Variants in TUBAL3 observed in about 807,000 individuals in gnomAD.
TUBAL3 encodes tubulin alpha chain-like 3.
Under a neutral mutation model 15.5 loss-of-function variants are expected in TUBAL3, and 16 were observed. That is an observed-to-expected ratio of 1.04 (90% CI 0.70 to 1.57). The LOEUF is 1.57. TUBAL3 is among the 40% of genes most tolerant of loss of function. The pLI is 0.00. For synonymous variants in TUBAL3, 238 were observed against 224.3 expected, an observed-to-expected ratio of 1.06 and a Z score of -0.55; for missense variants, 609 against 576.2, an observed-to-expected ratio of 1.06 and a Z score of -0.58.
chr10:5,393,400 G>T lies in TUBAL3; in HGVS notation c.*117C>A. The T allele has an allele frequency of 3.5e-6, 3 of 847,228 alleles. No individual in the cohort carries two copies. The highest frequency in any genetic ancestry group is 2.6e-5 in the East Asian group (1 of 38,792). The allele number at this position is 847,228 out of a possible 1,614,324, so 52.5% of individuals were successfully genotyped here. A position where few individuals can be genotyped will look rare whatever the true frequency, so the allele number is the denominator to read the frequency against. ...AATTTAGTGTGGAACCTAGAGTCTT[G>T]CCTGATTTGAGTTCATTTTTCTGCT... On this transcript the variant is annotated 3_prime_UTR_variant, in exon 4 of 4. Coordinates refer to ENST00000380419, the MANE Select transcript of TUBAL3 (RefSeq NM_024803.3).
chr10:5,397,179 A>G lies in TUBAL3; in HGVS notation c.248-1704T>C, dbSNP rs1831778485. Among the ~76,000 whole-genome samples, 1 of 152,202 alleles carries G rather than the reference A, an allele frequency of 6.6e-6. No individual in the cohort carries two copies. On this transcript the variant is annotated intron_variant, in intron 2 of 3. Transcript: ENST00000380419. This position sits in a 1 kb window ranked among gnomAD's most constrained non-coding sequence, Gnocchi z 4.9. ...AAGCTCACAGCCTAAGGAGAAATGCATTGTGTTTCTGTTTAATAAGAGCAC... is the reference window on the plus strand; with the variant it reads ...AAGCTCACAGCCTAAGGAGAAATGCGTTGTGTTTCTGTTTAATAAGAGCAC...
chr10:5,394,248 G>A lies in TUBAL3; in HGVS notation c.610C>T (p.His204Tyr). Residue 204 changes from histidine (H) to tyrosine (Y), a missense_variant, in exon 4 of 4, where the codon CAC becomes TAC. His to Tyr is a moderately conservative substitution (Grantham distance 83, BLOSUM62 2). Coordinates refer to ENST00000380419, the MANE Select transcript of TUBAL3 (RefSeq NM_024803.3). This position sits in a 1 kb window ranked among gnomAD's most constrained non-coding sequence, Gnocchi z 4.3. ...TCCACCATGAAGGTACAGTCCGTGT[G>A]CTCTGTGGTGGAGTGGGTGGTGAGG... ...SVLTTHSTTEHTDCTFMVDNE... is the reference protein window; with the variant it reads ...SVLTTHSTTEYTDCTFMVDNE... The A allele has an allele frequency of 6.2e-7, 1 of 1,614,202 alleles. No homozygotes were observed. The highest frequency in any genetic ancestry group is 8.5e-7 in the Non-Finnish European group (1 of 1,180,044).
chr10:5,395,323 T>C lies in TUBAL3; in HGVS notation c.396+4A>G. On this transcript the variant is annotated splice_donor_region_variant and intron_variant, in intron 3 of 3. Coordinates refer to ENST00000380419, the MANE Select transcript of TUBAL3 (RefSeq NM_024803.3). The surrounding 1 kb of genome is among the most constrained non-coding windows in gnomAD (Gnocchi z 4.6). ...CCACTCGGAGGAGAGGGGGAGCCAC[T>C]TGCCAGCTTCCGGGTCCTCTCCAGC... 1 of 1,536,968 alleles carries C rather than the reference T, an allele frequency of 6.5e-7. No individual in the cohort carries two copies. Among genetic ancestry groups the C allele is most frequent in the South Asian group, 1.2e-5 (1 of 81,446 alleles).
chr10:5,400,974 A>C lies in TUBAL3; in HGVS notation c.117T>G (p.Thr39=), dbSNP rs1554814592. The change falls in exon 2 of 4, where the codon ACT becomes ACG. Residue 39 remains threonine (T), a synonymous_variant. Transcript: ENST00000380419. ...GIQPNGVVLD[T]QQDQLENAKM... ...TTGCATTTTCCAGCTGATCCTGTTG[A>C]GTGTCAAGAACAACGCCATTTGGCT... 2 of 1,614,108 alleles carry C rather than the reference A, an allele frequency of 1.2e-6. No individual in the cohort carries two copies. The highest frequency in any genetic ancestry group is 2.7e-5 in the African/African-American group (2 of 74,932).
chr10:5,400,829 G>C lies in TUBAL3; in HGVS notation c.247+15C>G. 6.2e-7 allele frequency: 1 copy of C among 1,613,800 alleles called. No individual in the cohort carries two copies. Among genetic ancestry groups the C allele is most frequent in the Non-Finnish European group, 8.5e-7 (1 of 1,179,786 alleles). ...GGCTCCAGTTAAGTATGCTAGAATG[G>C]AACATTTATTGTACCTATAACAGTT... is the stretch of plus-strand genomic sequence containing the variant. On this transcript the variant is annotated intron_variant, in intron 2 of 3. Transcript: ENST00000380419.
Position 5,397,751 on chromosome 10 carries a change from C to T in TUBAL3, c.248-2276G>A, listed in dbSNP as rs1475728500. 4.6e-5 allele frequency among the ~76,000 whole-genome samples: 7 copies of T among 152,152 alleles called. No homozygotes were observed. The highest frequency in any genetic ancestry group is 1.3e-4 in the Admixed American group (2 of 15,278). On this transcript the variant is annotated intron_variant, in intron 2 of 3. Coordinates refer to ENST00000380419, the MANE Select transcript of TUBAL3 (RefSeq NM_024803.3). This position sits in a 1 kb window ranked among gnomAD's most constrained non-coding sequence, Gnocchi z 4.9. ...GGTGTCAGTCAGCTGCATTCCACTT[C>T]AATCATCATCACTCAGAACTCTCCC...
intron 1 of TUBAL3, among the ~76,000 whole-genome samples, chr10:5,403,207 T>A (rs1164178046): frequency 6.6e-6 from 1 of 152,230 alleles, no homozygotes; most frequent in African/African-American, 2.4e-5. Context: ...CAGCATATTC[T>A]GTTATAAACA....
rs1451155005 is a variant in TUBAL3, at chr10:5,395,728, A to G, written c.248-253T>C. 1.3e-5 allele frequency among the ~76,000 whole-genome samples: 2 copies of G among 152,292 alleles called. No homozygotes were observed. The highest frequency in any genetic ancestry group is 6.5e-5 in the Admixed American group (1 of 15,302). ...TAGTTTCCTAGTGCTGCCATAACCA[A>G]TGACAACAAACATCATGGCTTAAAA... On this transcript the variant is annotated intron_variant, in intron 2 of 3. Coordinates refer to ENST00000380419, the MANE Select transcript of TUBAL3 (RefSeq NM_024803.3). This position sits in a 1 kb window ranked among gnomAD's most constrained non-coding sequence, Gnocchi z 4.6.
At position 5,394,464 on chromosome 10, in the gene TUBAL3, G is replaced by A. The variant is rs1554813908; in HGVS notation, c.397-3C>T. On this transcript the variant is annotated splice_region_variant and splice_polypyrimidine_tract_variant and intron_variant, in intron 3 of 3. Coordinates refer to ENST00000380419, the MANE Select transcript of TUBAL3 (RefSeq NM_024803.3). The surrounding 1 kb of genome is among the most constrained non-coding windows in gnomAD (Gnocchi z 4.3). ...TGAAGTCCACCACACTGTTCTGCCT[G>A]GAGAAAGTAAATGAGATGTGAGAAT... The A allele has an allele frequency of 1.3e-6, 2 of 1,582,578 alleles. No homozygotes were observed. The highest frequency in any genetic ancestry group is 3.6e-5 in the Admixed American group (2 of 54,828).
rs989905201 is a variant in TUBAL3, at chr10:5,397,264, T to C, written c.248-1789A>G. Among the ~76,000 whole-genome samples the C allele has an allele frequency of 1.3e-5, 2 of 152,198 alleles. No individual in the cohort carries two copies. The highest frequency in any genetic ancestry group is 4.8e-5 in the African/African-American group (2 of 41,456). ...GACCATGAATTTCTAAACTCCAATT[T>C]TGCAACCTCTCAAATAATATTTATT... On this transcript the variant is annotated intron_variant, in intron 2 of 3. Transcript: ENST00000380419. The surrounding 1 kb of genome is among the most constrained non-coding windows in gnomAD (Gnocchi z 4.9).
In TUBAL3 at chr10:5,395,098, G is replaced by C. The variant is rs1200037260; in HGVS notation, c.396+229C>G. Among the ~76,000 whole-genome samples the C allele has an allele frequency of 6.6e-6, 1 of 152,212 alleles. No individual in the cohort carries two copies. The highest frequency in any genetic ancestry group is 1.5e-5 in the Non-Finnish European group (1 of 68,028). On this transcript the variant is annotated intron_variant, in intron 3 of 3. Coordinates refer to ENST00000380419, the MANE Select transcript of TUBAL3 (RefSeq NM_024803.3). The surrounding 1 kb of genome is among the most constrained non-coding windows in gnomAD (Gnocchi z 4.6). ...GTGTTAGGAGAACCAGGGATGATCA[G>C]GTGATCAGGGGACCCCCCAGTAAGT...
At chr10:5,402,376 T>C (rs1345139051) in intron 1 of TUBAL3, among the ~76,000 whole-genome samples, 1 of 152,214 alleles carries the variant, frequency 6.6e-6, no homozygotes, top group East Asian at 1.9e-4. Context: ...TGTGGTTTGA[T>C]TGACTGTGGT....
rs761475917 is a variant in TUBAL3, at chr10:5,393,565, A to C, written c.1293T>G (p.Asp431Glu). The C allele has an allele frequency of 6.2e-7, 1 of 1,613,966 alleles. No individual in the cohort carries two copies. The highest frequency in any genetic ancestry group is 8.5e-7 in the Non-Finnish European group (1 of 1,179,934). Residue 431 changes from aspartate to glutamate, a missense_variant, in exon 4 of 4, where the codon GAT becomes GAG. Coordinates refer to ENST00000380419, the MANE Select transcript of TUBAL3 (RefSeq NM_024803.3). ...EEAEFLEARE[D>E]LAALERDYEE... ...CATAGTCCCTCTCCAGGGCTGCCAG[A>C]TCTTCCCTGGCCTCCAAGAACTCTG... is the stretch of plus-strand genomic sequence containing the variant.
chr10:5,398,469 T>G (rs1482862369), intron 2 of TUBAL3, among the ~76,000 whole-genome samples: 1 of 146,644 alleles, frequency 6.8e-6, no homozygotes, highest in East Asian at 2.0e-4. Context: ...TGTAGTGACA[T>G]GTGCCTGTAG....
rs1554813737 is a variant in TUBAL3, at chr10:5,393,713, A to AT, written c.1144dup (p.Ile382AsnfsTer22). The AT allele has an allele frequency of 6.2e-7, 1 of 1,614,200 alleles. No individual in the cohort carries two copies. On this transcript the variant is annotated frameshift_variant, in exon 4 of 4. Transcript: ENST00000380419. LOFTEE classifies it high-confidence loss of function. ...CGCCGTGGTGTTGCTCAGCATGCAGATGGACCGGTGGACTTTGGCCAGGTC... is the reference window on the plus strand; with the variant it reads ...CGCCGTGGTGTTGCTCAGCATGCAGATTGGACCGGTGGACTTTGGCCAGGTC...
chr10:5,402,041 A>G (rs1308457618), intron 1 of TUBAL3, among the ~76,000 whole-genome samples: 1 of 152,230 alleles, frequency 6.6e-6, no homozygotes, highest in Non-Finnish European at 1.5e-5. Context: ...AGTAAAAAGC[A>G]CATAAGATGC....
chr10:5,400,758 G>A, intron 2 of TUBAL3, 86 bp downstream of exon 2: 1 of 1,524,182 alleles, frequency 6.6e-7, no homozygotes, highest in South Asian at 1.2e-5. Context: ...CATTCAGATA[G>A]ACCTGTATAA....
At chr10:5,401,665 G>A (rs1248720150) in intron 1 of TUBAL3, among the ~76,000 whole-genome samples, 2 of 151,964 alleles carry the variant, frequency 1.3e-5, no homozygotes, top group Non-Finnish European at 2.9e-5. Flanking sequence ...AAGGCAAAAT[G>A]CAATAGATTT....
chr10:5,393,880 A>G lies in TUBAL3; in HGVS notation c.978T>C (p.Tyr326=), dbSNP rs1554813782. The G allele has an allele frequency of 1.9e-6, 3 of 1,614,150 alleles. No individual in the cohort carries two copies. Among genetic ancestry groups the G allele is most frequent in the Non-Finnish European group, 8.5e-7 (1 of 1,180,024 alleles). Residue 326 remains tyrosine (Y), a synonymous_variant, in exon 4 of 4, where the codon TAT becomes TAC. Coordinates refer to ENST00000380419, the MANE Select transcript of TUBAL3 (RefSeq NM_024803.3). ...LGKYMACCLL[Y]RGDVVPKEVN... ...CTTCCTTGGGGACCACATCCCCTCT[A>G]TAGAGTAGGCAGCAGGCCATGTACT...
Sources: gnomAD v4.1 joint callset for allele counts (sites outside exome capture counted in the v4.1 genomes callset) on GRCh38, gnomAD v4.1.1 for gene constraint, Gnocchi (gnomAD v3.1) non-coding constraint, MANE v1.5 for transcripts, NCBI Gene and HGNC (gene_info 2026-07-23, HGNC 2026-07-21) for gene names.